Variants in HCN1 observed in about 807,000 individuals in gnomAD.
The protein encoded by HCN1 is hyperpolarization activated cyclic nucleotide gated potassium channel 1, also known as potassium/sodium hyperpolarization-activated cyclic nucleotide-gated channel 1.
HCN1 carries 13 observed loss-of-function variants against 78.9 expected under a neutral mutation model. The ratio of observed to expected loss-of-function variants is 0.16; its 90% CI spans 0.11 to 0.26. The LOEUF is 0.26. HCN1 is among the 10% of genes least tolerant of loss of function. The pLI, the probability that HCN1 is intolerant of heterozygous loss-of-function variation, is 1.00. For missense variants in HCN1, 810 were observed against 1,154.3 expected, an observed-to-expected ratio of 0.70 and a Z score of 4.32; for synonymous variants, 552 against 455.5, an observed-to-expected ratio of 1.21 and a Z score of -2.70.
chr5:45,287,721 T>C (rs896569209), intron 6 of HCN1, among the ~76,000 whole-genome samples: 2 of 152,068 alleles, frequency 1.3e-5, no homozygotes, highest in Non-Finnish European at 2.9e-5. Flanking sequence ...CACACACACA[T>C]TGATATAGAG....
chr5:45,365,485 T>C (rs1399101120), intron 4 of HCN1, among the ~76,000 whole-genome samples: 1 of 152,016 alleles, frequency 6.6e-6, no homozygotes, highest in Non-Finnish European at 1.5e-5. Flanking sequence ...CTTAGAATAA[T>C]GGCCTCAAAC....
intron 6 of HCN1, among the ~76,000 whole-genome samples, chr5:45,287,988 C>A (rs565497951): frequency 1.2e-4 from 19 of 152,104 alleles, no homozygotes; most frequent in African/African-American, 4.6e-4. Flanking sequence ...TCTAAGCAAA[C>A]CCTAGTGAGG....
chr5:45,267,355 A>G, intron 6 of HCN1, 102 bp from the exon 7 acceptor site: 1 of 1,008,492 alleles, frequency 9.9e-7, no homozygotes, highest in Non-Finnish European at 1.5e-6. Flanking sequence ...GGTGTGAAAA[A>G]ACAATTATTA....
intron 5 of HCN1, among the ~76,000 whole-genome samples, chr5:45,318,452 T>C (rs1018827515): frequency 2.2e-4 from 34 of 152,000 alleles, no homozygotes; most frequent in Non-Finnish European, 4.3e-4. Context: ...TTGGAAGATA[T>C]ACCTAATGTA....
intron 2 of HCN1, among the ~76,000 whole-genome samples, chr5:45,517,354 C>T (rs1383257838): frequency 1.3e-5 from 2 of 151,420 alleles, no homozygotes; most frequent in East Asian, 1.9e-4. Context: ...TTCATGGCTT[C>T]CTTTGATCCC....
chr5:45,482,486 A>C (rs139696922), intron 2 of HCN1, among the ~76,000 whole-genome samples: 1 of 152,178 alleles, frequency 6.6e-6, no homozygotes, highest in Non-Finnish European at 1.5e-5. Flanking sequence ...TAGCAAAAAG[A>C]CTTTCCACAG....
intron 7 of HCN1, among the ~76,000 whole-genome samples, chr5:45,265,517 A>G (rs958680023): frequency 6.6e-6 from 1 of 152,214 alleles, no homozygotes; most frequent in African/African-American, 2.4e-5. Context: ...ATATCTAATG[A>G]TGATGTCCAA....
At chr5:45,391,310 A>G (rs947808636) in intron 4 of HCN1, among the ~76,000 whole-genome samples, 3 of 152,148 alleles carry the variant, frequency 2.0e-5, no homozygotes, top group African/African-American at 7.2e-5. Context: ...TTTCAAGGTC[A>G]AGATCATTAT....
intron 3 of HCN1, among the ~76,000 whole-genome samples, chr5:45,440,788 T>A (rs984071365): frequency 2.0e-5 from 3 of 152,176 alleles, no homozygotes; most frequent in African/African-American, 4.8e-5. Flanking sequence ...AAAATAGCAC[T>A]CTCTTCTGTC....
chr5:45,303,549 C>T (rs1372722749), intron 6 of HCN1, 50 bp downstream of exon 6: 4 of 1,598,758 alleles, frequency 2.5e-6, no homozygotes, highest in Admixed American at 1.7e-5. Context: ...CTTAAAGATA[C>T]AAATCTCAAG....
At chr5:45,625,646 A>G (rs1008413517) in intron 2 of HCN1, among the ~76,000 whole-genome samples, 4 of 152,250 alleles carry the variant, frequency 2.6e-5, no homozygotes, top group African/African-American at 9.6e-5. Context: ...AAAACCCTAC[A>G]GCTTTTTTTT....
At chr5:45,657,155 T>A (rs1745781741) in intron 1 of HCN1, among the ~76,000 whole-genome samples, 1 of 152,062 alleles carries the variant, frequency 6.6e-6, no homozygotes, top group African/African-American at 2.4e-5. Context: ...AAAGACTGAG[T>A]TTCTTTAATT....
chr5:45,468,799 G>T (rs1019143093), intron 2 of HCN1, among the ~76,000 whole-genome samples: 35 of 152,048 alleles, frequency 2.3e-4, no homozygotes, highest in Non-Finnish European at 3.7e-4. Flanking sequence ...AATGTAAACT[G>T]TAAAAGTACA....
intron 2 of HCN1, among the ~76,000 whole-genome samples, chr5:45,581,677 C>T (rs1744076686): frequency 6.6e-6 from 1 of 152,052 alleles, no homozygotes; most frequent in South Asian, 2.1e-4. Context: ...GTCTTTAATC[C>T]ATCTTGAATT....
At chr5:45,340,399 T>C (rs2111964056) in intron 5 of HCN1, among the ~76,000 whole-genome samples, 1 of 152,316 alleles carries the variant, frequency 6.6e-6, no homozygotes, top group East Asian at 1.9e-4. Flanking sequence ...TGAGATTTTA[T>C]TCTGGAATCC....
At chr5:45,654,544 T>C (rs949678688) in intron 1 of HCN1, among the ~76,000 whole-genome samples, 8 of 152,148 alleles carry the variant, frequency 5.3e-5, no homozygotes, top group African/African-American at 1.9e-4. Flanking sequence ...TCAACAAAAA[T>C]GTATTCTAGT....
chr5:45,531,979 G>T (rs1227746768), intron 2 of HCN1, among the ~76,000 whole-genome samples: 3 of 152,184 alleles, frequency 2.0e-5, no homozygotes, highest in Non-Finnish European at 2.9e-5. Context: ...GGCAGAGGTT[G>T]CAGAGAGCCG....
At chr5:45,346,632 G>A (rs923604640) in intron 5 of HCN1, among the ~76,000 whole-genome samples, 6 of 152,162 alleles carry the variant, frequency 3.9e-5, no homozygotes, top group Non-Finnish European at 5.9e-5. Flanking sequence ...GTGACAGATG[G>A]CACCTGGAAA....
chr5:45,500,548 T>C (rs1742166967), intron 2 of HCN1, among the ~76,000 whole-genome samples: 1 of 152,204 alleles, frequency 6.6e-6, no homozygotes, highest in African/African-American at 2.4e-5. Context: ...TTAGATCTGG[T>C]AGAACTAATT....
Sources: allele counts gnomAD v4.1 joint callset (sites outside exome capture counted in the v4.1 genomes callset), GRCh38; gene constraint gnomAD v4.1.1; transcripts MANE v1.5; gene names NCBI Gene and HGNC (gene_info 2026-07-23, HGNC 2026-07-21).